ARHGAP39: variants seen among roughly 807,000 people sequenced by gnomAD.
The protein encoded by ARHGAP39 is rho GTPase-activating protein 39.
In ARHGAP39, 44 loss-of-function variants were observed where a neutral mutation model predicts 106.9. The observed-to-expected ratio is 0.41, with a 90% confidence interval of 0.32 to 0.53. The LOEUF (loss-of-function observed/expected upper bound fraction) is 0.53, where lower values mean the gene tolerates loss of function less well. ARHGAP39 is among the 20% of genes least tolerant of loss of function. The pLI, the probability that ARHGAP39 is intolerant of heterozygous loss-of-function variation, is 0.21. For missense variants in ARHGAP39, 1,496 were observed against 1,577.3 expected (o/e 0.95, Z 0.87); for synonymous variants, 768 against 693.2 (o/e 1.11, Z -1.69).
At chr8:144,596,818 A>C (rs1454474052) in intron 2 of ARHGAP39, among the ~76,000 whole-genome samples, 1 of 152,184 alleles carries the variant, frequency 6.6e-6, no homozygotes, top group Non-Finnish European at 1.5e-5. Flanking sequence ...GGCCACCATG[A>C]TAGATCGTCC....
At chr8:144,601,835 A>G (rs1819979029) in intron 2 of ARHGAP39, among the ~76,000 whole-genome samples, 3 of 112,806 alleles carry the variant, frequency 2.7e-5, no homozygotes, top group African/African-American at 7.2e-5. Flanking sequence ...GTGCTCGTGT[A>G]CCTGTGTGCA....
chr8:144,686,426 G>A (rs1480831681), upstream of ARHGAP39, among the ~76,000 whole-genome samples: 1 of 152,184 alleles, frequency 6.6e-6, no homozygotes, highest in Non-Finnish European at 1.5e-5. Flanking sequence ...TTAGTGCCAG[G>A]TGCGTTTCTG....
In ARHGAP39 at chr8:144,530,198, C is replaced by T. The variant is rs1816617899; in HGVS notation, c.*224G>A. 1.1e-5 allele frequency: 6 copies of T among 555,688 alleles called. No homozygotes were observed. The highest frequency in any genetic ancestry group is 1.6e-5 in the Non-Finnish European group (5 of 316,770). 34.4% of individuals were successfully genotyped at this position (555,688 alleles called of 1,614,324 possible). A position where few individuals can be genotyped will look rare whatever the true frequency, so the allele number is the denominator to read the frequency against. On this transcript the variant is annotated 3_prime_UTR_variant, in exon 12 of 12. Transcript: ENST00000377307. Reference sequence around the variant, plus strand: ...CGAGGCGGTGCCCGCGGGAACTGGCCGTGAGGTGGGGGGCCAGAGGCGCCC... The same window carrying T: ...CGAGGCGGTGCCCGCGGGAACTGGCTGTGAGGTGGGGGGCCAGAGGCGCCC...
At chr8:144,662,898 G>A (rs932132185) in intron 1 of ARHGAP39, among the ~76,000 whole-genome samples, 2 of 140,360 alleles carry the variant, frequency 1.4e-5, no homozygotes, top group African/African-American at 2.7e-5. Flanking sequence ...TATCCACCTC[G>A]GGCCTATCCC....
intron 6 of ARHGAP39, among the ~76,000 whole-genome samples, chr8:144,543,543 G>T (rs1409825290): frequency 6.6e-6 from 1 of 152,230 alleles, no homozygotes; most frequent in East Asian, 1.9e-4. Flanking sequence ...ACTGCACAGA[G>T]CCCCAGCCCC....
Position 144,534,020 on chromosome 8 carries a change from C to T in ARHGAP39, c.2688+109G>A, listed in dbSNP as rs1030719359. 333 of 1,289,236 alleles carry T rather than the reference C, an allele frequency of 2.6e-4. 1 individual carries two copies. The highest frequency in any genetic ancestry group is 2.5e-4 in the Non-Finnish European group (230 of 916,278). The allele number at this position is 1,289,236 out of a possible 1,614,324, so 79.9% of individuals were successfully genotyped here. On this transcript the variant is annotated intron_variant, in intron 8 of 11. Coordinates refer to ENST00000377307, the MANE Select transcript of ARHGAP39 (RefSeq NM_025251.3). ...CGCCTAGGCGGGCTCCATGTGGCAC[C>T]CTCTGCGCTGCTGCCCCATACCAAA... is the stretch of plus-strand genomic sequence containing the variant.
intron 1 of ARHGAP39, among the ~76,000 whole-genome samples, chr8:144,618,323 C>A (rs1460742670): frequency 2.0e-5 from 3 of 152,220 alleles, no homozygotes; most frequent in African/African-American, 4.8e-5. Flanking sequence ...GTCATGATCA[C>A]GTCCCGCCTC....
intron 7 of ARHGAP39, among the ~76,000 whole-genome samples, chr8:144,534,831 GA>G (rs762055237): frequency 3.9e-5 from 6 of 152,238 alleles, no homozygotes; most frequent in Non-Finnish European, 7.3e-5. Context: ...TCCCTGAGGG[GA>G]GGGGCAGTGT....
chr8:144,601,528 CTG>C (rs557735022), intron 2 of ARHGAP39, among the ~76,000 whole-genome samples: 15 of 119,466 alleles, frequency 1.3e-4, no homozygotes, highest in South Asian at 1.1e-3. Flanking sequence ...GCTCATGTAC[CTG>C]TGTGTGTGCA....
chr8:144,604,410 C>T lies in ARHGAP39; in HGVS notation c.80+1125G>A, dbSNP rs986130181. Among the ~76,000 whole-genome samples the T allele has an allele frequency of 2.6e-5, 4 of 152,142 alleles. No homozygotes were observed. Among genetic ancestry groups the T allele is most frequent in the African/African-American group, 4.8e-5 (2 of 41,428 alleles). On this transcript the variant is annotated intron_variant, in intron 2 of 11. Transcript: ENST00000377307. This position sits in a 1 kb window ranked among gnomAD's most constrained non-coding sequence, Gnocchi z 4.1. Reference sequence around the variant, plus strand: ...TATTTACTGTGACACGGGGGTCTCACGCAGTCGCTCAGGCCAGAGTGCAGT... The same window carrying T: ...TATTTACTGTGACACGGGGGTCTCATGCAGTCGCTCAGGCCAGAGTGCAGT...
At chr8:144,537,571 C>G (rs1487037224) in intron 7 of ARHGAP39, 150 bp downstream of exon 7, 2 of 695,112 alleles carry the variant, frequency 2.9e-6, no homozygotes, top group Non-Finnish European at 4.8e-6. Context: ...CACCTGGGCC[C>G]TCCAGCTCGC....
intron 3 of ARHGAP39, among the ~76,000 whole-genome samples, chr8:144,574,119 T>C (rs186693332): frequency 1.5e-4 from 20 of 137,212 alleles, no homozygotes; most frequent in Admixed American, 4.8e-4. Flanking sequence ...GAAGCTGAGA[T>C]TGCACCACTG....
At chr8:144,621,806 G>A (rs753520352) in intron 1 of ARHGAP39, among the ~76,000 whole-genome samples, 12 of 152,170 alleles carry the variant, frequency 7.9e-5, no homozygotes, top group Non-Finnish European at 1.5e-4. Flanking sequence ...GGCGACAGGA[G>A]TGAGACCCTG....
At position 144,679,377 on chromosome 8, in the gene ARHGAP39, A is replaced by ACT. The variant is rs1162568504; in HGVS notation, c.-82+6307_-82+6308dup. On this transcript the variant is annotated intron_variant, in intron 1 of 11. Coordinates refer to ENST00000377307, the MANE Select transcript of ARHGAP39 (RefSeq NM_025251.3). The surrounding 1 kb of genome is among the most constrained non-coding windows in gnomAD (Gnocchi z 4.7). ...CCGGAAAAGACACTAGGTTTCTGCC[A>ACT]CTCTCTTGCCATAAAAACAGCATGT... 1.3e-5 allele frequency among the ~76,000 whole-genome samples: 2 copies of ACT among 151,772 alleles called. No homozygotes were observed. Among genetic ancestry groups the ACT allele is most frequent in the Non-Finnish European group, 2.9e-5 (2 of 67,920 alleles).
At position 144,593,138 on chromosome 8, in the gene ARHGAP39, G is replaced by A. The variant is rs147116105; in HGVS notation, c.81-11861C>T. Among the ~76,000 whole-genome samples, 462 of 152,324 alleles carry A rather than the reference G, an allele frequency of 3.0e-3. 2 individuals are homozygous for A. Among genetic ancestry groups the A allele is most frequent in the African/African-American group, 5.2e-3 (216 of 41,572 alleles). On this transcript the variant is annotated intron_variant, in intron 2 of 11. Coordinates refer to ENST00000377307, the MANE Select transcript of ARHGAP39 (RefSeq NM_025251.3). ...CTTCCCAGAAGCTGCTGTCAAGGCG[G>A]AACAACCTTCCTGCAGCCCCTGTTT...
At chr8:144,680,759 A>G (rs941910803) in intron 1 of ARHGAP39, among the ~76,000 whole-genome samples, 1 of 152,238 alleles carries the variant, frequency 6.6e-6, no homozygotes, top group Non-Finnish European at 1.5e-5. Context: ...TTGCACCAAG[A>G]AAAATTCCAC....
chr8:144,581,362 C>A, intron 2 of ARHGAP39, 85 bp from the exon 3 acceptor site: 1 of 1,371,266 alleles, frequency 7.3e-7, no homozygotes, highest in South Asian at 1.4e-5. Context: ...GCTCCAGCCC[C>A]AGCTGCGAAA....
At chr8:144,541,525 G>A (rs1049217660) in intron 6 of ARHGAP39, among the ~76,000 whole-genome samples, 4 of 151,974 alleles carry the variant, frequency 2.6e-5, no homozygotes, top group Non-Finnish European at 2.9e-5. Flanking sequence ...CTCACTCCCC[G>A]CTTCTCCCTC....
intron 1 of ARHGAP39, 110 bp from the exon 2 acceptor site, chr8:144,605,805 A>C (rs1453619990): frequency 6.4e-6 from 4 of 625,448 alleles, no homozygotes; most frequent in Non-Finnish European, 1.1e-5. Context: ...GATGGACTCC[A>C]CGGCACCCGT....
Sources: allele counts gnomAD v4.1 joint callset (sites outside exome capture counted in the v4.1 genomes callset), GRCh38; gene constraint gnomAD v4.1.1; non-coding constraint Gnocchi (gnomAD v3.1); transcripts MANE v1.5; gene names NCBI Gene and HGNC (gene_info 2026-07-23, HGNC 2026-07-21).